Variants in TASP1 observed in about 807,000 individuals in gnomAD.
The protein encoded by TASP1 is taspase 1.
Under a neutral mutation model 56.6 loss-of-function variants are expected in TASP1, and 16 were observed. The observed-to-expected ratio is 0.28, with a 90% confidence interval of 0.19 to 0.43. TASP1 has a LOEUF of 0.43. TASP1 is among the 20% of genes least tolerant of loss of function. The probability of loss-of-function intolerance (pLI) is 1.00; values close to 1 mark genes in which losing one functional copy is unlikely to be tolerated. For missense variants in TASP1, 393 were observed against 511.6 expected (o/e 0.77, Z 2.24); for synonymous variants, 179 against 184.2 (o/e 0.97, Z 0.23).
At chr20:13,437,656 CAA>C (rs1418801593) in intron 11 of TASP1, among the ~76,000 whole-genome samples, 1 of 152,152 alleles carries the variant, frequency 6.6e-6, no homozygotes, top group Non-Finnish European at 1.5e-5. Context: ...ACAATTTCAG[CAA>C]AGTCTCAGGA....
chr20:13,315,488 C>T, the TASP1 span, among the ~76,000 whole-genome samples: 2 of 151,634 alleles, frequency 1.3e-5, no homozygotes, highest in Non-Finnish European at 2.9e-5. Context: ...GAAGACATAA[C>T]AATCCTTAAT....
downstream of TASP1, among the ~76,000 whole-genome samples, chr20:13,386,409 T>C (rs73088280): frequency 0.011 from 1,655 of 152,268 alleles, 17 homozygotes; most frequent in Middle Eastern, 0.017. Context: ...TATTTAAAAT[T>C]TACATTTTTA....
the TASP1 span, among the ~76,000 whole-genome samples, chr20:13,381,749 TCCC>T: frequency 6.6e-6 from 1 of 152,188 alleles, no homozygotes; most frequent in Non-Finnish European, 1.5e-5. Context: ...AGTCTGCCTC[TCCC>T]TCAGCAAACT....
At chr20:13,224,607 C>T in the TASP1 span, among the ~76,000 whole-genome samples, 4 of 152,102 alleles carry the variant, frequency 2.6e-5, no homozygotes, top group African/African-American at 9.7e-5. Flanking sequence ...TCTCTGTGTA[C>T]AACCTTCTAA....
intron 8 of TASP1, among the ~76,000 whole-genome samples, chr20:13,535,016 G>T (rs141082349): frequency 1.9e-4 from 29 of 152,172 alleles, no homozygotes; most frequent in African/African-American, 6.7e-4. Flanking sequence ...CTTATGCTAG[G>T]GCATTGGTTT....
intron 11 of TASP1, among the ~76,000 whole-genome samples, chr20:13,437,528 G>A (rs2146206305): frequency 6.6e-6 from 1 of 152,264 alleles, no homozygotes; most frequent in East Asian, 1.9e-4. Context: ...GCAGGAGAAG[G>A]AAATAAAGGG....
the TASP1 span, among the ~76,000 whole-genome samples, chr20:13,369,312 G>C: frequency 6.6e-6 from 1 of 152,148 alleles, no homozygotes; most frequent in Non-Finnish European, 1.5e-5. Flanking sequence ...TGGGCGTGGT[G>C]GCACATGCCT....
At chr20:13,521,933 T>C (rs916531024) in intron 10 of TASP1, among the ~76,000 whole-genome samples, 4 of 152,242 alleles carry the variant, frequency 2.6e-5, no homozygotes, top group South Asian at 2.1e-4. Flanking sequence ...TCCATGTTTA[T>C]ATAGGATGGC....
At chr20:13,474,305 G>A (rs975748825) in intron 11 of TASP1, among the ~76,000 whole-genome samples, 7 of 152,068 alleles carry the variant, frequency 4.6e-5, no homozygotes, top group African/African-American at 1.7e-4. Flanking sequence ...TCTCCTATGA[G>A]TCCTCAAAGT....
At chr20:13,356,977 G>C in the TASP1 span, among the ~76,000 whole-genome samples, 3 of 152,242 alleles carry the variant, frequency 2.0e-5, no homozygotes, top group South Asian at 6.2e-4. Flanking sequence ...TGGCAGTCTT[G>C]CTCTGTTAGC....
At chr20:13,207,082 A>G in the TASP1 span, among the ~76,000 whole-genome samples, 7 of 152,294 alleles carry the variant, frequency 4.6e-5, no homozygotes, top group Non-Finnish European at 8.8e-5. Context: ...AACTTTAGGA[A>G]TCAGTTAACT....
chr20:13,225,431 G>GTA, the TASP1 span, among the ~76,000 whole-genome samples: 1 of 152,030 alleles, frequency 6.6e-6, no homozygotes, highest in Non-Finnish European at 1.5e-5. Context: ...TGACATATAT[G>GTA]TATATATACA....
At chr20:13,634,006 AAC>A (rs900306780) in intron 1 of TASP1, among the ~76,000 whole-genome samples, 2 of 147,954 alleles carry the variant, frequency 1.4e-5, no homozygotes, top group African/African-American at 4.9e-5. Flanking sequence ...CAAAAAGTTA[AAC>A]AGAGTTATGC....
the TASP1 span, among the ~76,000 whole-genome samples, chr20:13,218,067 CG>C: frequency 2.0e-5 from 3 of 151,958 alleles, no homozygotes; most frequent in Middle Eastern, 3.4e-3. Flanking sequence ...CTGGCCAATA[CG>C]GTGAAAATCT....
the TASP1 span, among the ~76,000 whole-genome samples, chr20:13,235,425 C>T: frequency 6.6e-6 from 1 of 152,128 alleles, no homozygotes; most frequent in African/African-American, 2.4e-5. Context: ...AAAATCCTTA[C>T]ACTTCTCTAC....
intron 4 of TASP1, among the ~76,000 whole-genome samples, chr20:13,599,178 G>A (rs2047859519): frequency 6.6e-6 from 1 of 152,164 alleles, no homozygotes; most frequent in South Asian, 2.1e-4. Context: ...CCATTACTGG[G>A]TATATGCCCA....
intron 5 of TASP1, among the ~76,000 whole-genome samples, chr20:13,582,555 T>G (rs1312482500): frequency 2.6e-5 from 4 of 152,302 alleles, no homozygotes; most frequent in African/African-American, 7.2e-5. Flanking sequence ...CTGCAAGATA[T>G]CATTTTTTTA....
At chr20:13,509,586 A>T (rs2044253602) in intron 10 of TASP1, among the ~76,000 whole-genome samples, 1 of 152,054 alleles carries the variant, frequency 6.6e-6, no homozygotes, top group African/African-American at 2.4e-5. Context: ...TGTCTGTGTC[A>T]TCTCTGATTT....
At chr20:13,526,317 A>G (rs1251793513) in intron 10 of TASP1, among the ~76,000 whole-genome samples, 2 of 152,162 alleles carry the variant, frequency 1.3e-5, no homozygotes, top group Admixed American at 1.3e-4. Flanking sequence ...CAACATATTG[A>G]CCACAAAGAA....
Sources: gnomAD v4.1 joint callset for allele counts (sites outside exome capture counted in the v4.1 genomes callset) on GRCh38, gnomAD v4.1.1 for gene constraint, MANE v1.5 for transcripts, NCBI Gene and HGNC (gene_info 2026-07-23, HGNC 2026-07-21) for gene names.